SPMIP2: variants seen among roughly 807,000 people sequenced by gnomAD.
The protein encoded by SPMIP2 is protein SPMIP2.
At chr4:159,039,979 T>C in the SPMIP2 span, among the ~76,000 whole-genome samples, 1 of 152,234 alleles carries the variant, frequency 6.6e-6, no homozygotes, top group Non-Finnish European at 1.5e-5. Flanking sequence ...GATATATCTC[T>C]AGATGAACAC....
chr4:158,943,689 C>T, the SPMIP2 span, among the ~76,000 whole-genome samples: 1 of 151,928 alleles, frequency 6.6e-6, no homozygotes, highest in Non-Finnish European at 1.5e-5. Context: ...TGCATTCCTA[C>T]CTACATATGC....
the SPMIP2 span, among the ~76,000 whole-genome samples, chr4:158,914,894 C>T: frequency 2.0e-5 from 3 of 152,248 alleles, no homozygotes; most frequent in Admixed American, 2.0e-4. Context: ...TCTTGGAACT[C>T]ACAGGGGTCG....
chr4:158,896,802 A>C, the SPMIP2 span, among the ~76,000 whole-genome samples: 22 of 140,590 alleles, frequency 1.6e-4, no homozygotes, highest in Admixed American at 4.9e-4. Flanking sequence ...TTTTGTTTAT[A>C]TCTCTCTACC....
At chr4:158,956,635 C>G in the SPMIP2 span, among the ~76,000 whole-genome samples, 1 of 152,338 alleles carries the variant, frequency 6.6e-6, no homozygotes, top group Admixed American at 6.5e-5. Context: ...CTCTGTGACC[C>G]TGGTCATGTG....
the SPMIP2 span, among the ~76,000 whole-genome samples, chr4:159,063,334 G>A: frequency 2.0e-5 from 3 of 152,230 alleles, no homozygotes; most frequent in South Asian, 2.1e-4. Flanking sequence ...CGAGACAGGA[G>A]GATCACTTGA....
the SPMIP2 span, among the ~76,000 whole-genome samples, chr4:159,071,431 A>G: frequency 6.6e-6 from 1 of 152,216 alleles, no homozygotes; most frequent in Non-Finnish European, 1.5e-5. Context: ...GGATTTACAG[A>G]TTCTACCATT....
chr4:158,910,852 A>G, the SPMIP2 span, among the ~76,000 whole-genome samples: 1 of 152,176 alleles, frequency 6.6e-6, no homozygotes, highest in Non-Finnish European at 1.5e-5. Flanking sequence ...TCCTAAAAAT[A>G]AACACCCCTC....
the SPMIP2 span, among the ~76,000 whole-genome samples, chr4:159,043,268 C>T: frequency 6.6e-6 from 1 of 152,220 alleles, no homozygotes; most frequent in Non-Finnish European, 1.5e-5. Context: ...CCCCAGTGCA[C>T]AGCCAGAAAC....
chr4:158,916,318 A>C, the SPMIP2 span, among the ~76,000 whole-genome samples: 1 of 152,208 alleles, frequency 6.6e-6, no homozygotes, highest in Non-Finnish European at 1.5e-5. Flanking sequence ...ATGAGTAGAA[A>C]ATCTTGGGCA....
At chr4:158,954,785 G>T in the SPMIP2 span, among the ~76,000 whole-genome samples, 1 of 152,126 alleles carries the variant, frequency 6.6e-6, no homozygotes, top group Admixed American at 6.5e-5. Context: ...TTTATTAAAG[G>T]CCTAGAAGAT....
At chr4:158,901,744 A>G in the SPMIP2 span, among the ~76,000 whole-genome samples, 2,575 of 151,474 alleles carry the variant, frequency 0.017, 54 homozygotes, top group South Asian at 0.091. Flanking sequence ...TTGATCTTCA[A>G]TCTCTGATAG....
At chr4:158,913,490 G>A in the SPMIP2 span, among the ~76,000 whole-genome samples, 2 of 152,108 alleles carry the variant, frequency 1.3e-5, no homozygotes, top group African/African-American at 4.8e-5. Context: ...CCAAAGTGCT[G>A]GGTTTATAGG....
chr4:159,047,286 T>C, the SPMIP2 span, among the ~76,000 whole-genome samples: 2 of 152,190 alleles, frequency 1.3e-5, no homozygotes, highest in Non-Finnish European at 2.9e-5. Context: ...AGTTACTTAA[T>C]CCTAACAGAA....
the SPMIP2 span, among the ~76,000 whole-genome samples, chr4:159,060,193 G>T: frequency 6.6e-6 from 1 of 152,196 alleles, no homozygotes; most frequent in Non-Finnish European, 1.5e-5. Flanking sequence ...GGTCAGATAA[G>T]AAAATTGACT....
At chr4:158,955,573 T>C in the SPMIP2 span, among the ~76,000 whole-genome samples, 1 of 152,156 alleles carries the variant, frequency 6.6e-6, no homozygotes, top group African/African-American at 2.4e-5. Flanking sequence ...GCCTGGCTAA[T>C]TTTTGTGTTT....
the SPMIP2 span, among the ~76,000 whole-genome samples, chr4:158,999,071 G>A: frequency 1.3e-5 from 2 of 152,076 alleles, no homozygotes; most frequent in East Asian, 3.9e-4. Flanking sequence ...GGTTGAGGCT[G>A]GAGGATTGCT....
At chr4:158,943,893 G>T in the SPMIP2 span, among the ~76,000 whole-genome samples, 1 of 113,646 alleles carries the variant, frequency 8.8e-6, no homozygotes, top group Non-Finnish European at 1.7e-5. Context: ...GTCTCGCTCT[G>T]TCGCCAGGCT....
the SPMIP2 span, among the ~76,000 whole-genome samples, chr4:158,987,406 G>A: frequency 6.6e-6 from 1 of 152,048 alleles, no homozygotes; most frequent in African/African-American, 2.4e-5. Context: ...TGATAGACTG[G>A]ATTAAGAATA....
the SPMIP2 span, among the ~76,000 whole-genome samples, chr4:158,925,757 C>T: frequency 1.3e-5 from 2 of 152,248 alleles, no homozygotes; most frequent in East Asian, 1.9e-4. Flanking sequence ...TACACGTCTA[C>T]AGCCCAGGGG....
Sources: allele counts gnomAD v4.1 joint callset (sites outside exome capture counted in the v4.1 genomes callset), GRCh38; gene constraint gnomAD v4.1.1; transcripts MANE v1.5; gene names NCBI Gene and HGNC (gene_info 2026-07-23, HGNC 2026-07-21).